The following TMTC1 variants were observed in gnomAD, a reference collection of about 807,000 sequenced individuals.
The protein encoded by TMTC1 is transmembrane O-mannosyltransferase targeting cadherins 1.
A neutral mutation model predicts 104.8 loss-of-function variants in TMTC1; 73 were observed. The ratio of observed to expected loss-of-function variants is 0.70; its 90% CI spans 0.58 to 0.85. The LOEUF (loss-of-function observed/expected upper bound fraction) is 0.85. TMTC1 is among the 40% of genes least tolerant of loss of function. TMTC1 has a pLI of 0.00. For synonymous variants in TMTC1, 434 were observed against 428.7 expected, an observed-to-expected ratio of 1.01 and a Z score of -0.15; for missense variants, 1,035 against 1,096.1, an observed-to-expected ratio of 0.94 and a Z score of 0.79.
intron 7 of TMTC1, 53 bp from the exon 8 acceptor site, chr12:29,583,627 C>G (rs1444038608): frequency 2.8e-5 from 42 of 1,516,166 alleles, no homozygotes; most frequent in Non-Finnish European, 2.9e-5. Flanking sequence ...AATAGCTTCC[C>G]CCCAGAATTA....
At chr12:29,514,910 G>A (rs914445826) in intron 15 of TMTC1, among the ~76,000 whole-genome samples, 1 of 152,010 alleles carries the variant, frequency 6.6e-6, no homozygotes. Context: ...GCTACTGGGG[G>A]GGCTGAGATG....
chr12:29,518,165 C>T (rs1944044621), intron 13 of TMTC1, among the ~76,000 whole-genome samples: 1 of 152,102 alleles, frequency 6.6e-6, no homozygotes, highest in Admixed American at 6.6e-5. Context: ...TTCATGTATC[C>T]TCATTTTTTA....
In TMTC1 at chr12:29,639,131, T is replaced by TA. The variant is rs1307043568; in HGVS notation, c.939-5796dup. ...GTACGCCTTCCTAGGTGCTAAAGGG[T>TA]AGTATGATCTAGCCTCTGCCTTCCA... On this transcript the variant is annotated intron_variant, in intron 5 of 17. Transcript: ENST00000539277. 5.9e-5 allele frequency among the ~76,000 whole-genome samples: 9 copies of TA among 152,314 alleles called. No homozygotes were observed. In the East Asian group the frequency reaches 1.5e-3, roughly 26 times the overall value.
chr12:29,604,949 T>C (rs1946659151), intron 6 of TMTC1, among the ~76,000 whole-genome samples: 1 of 152,168 alleles, frequency 6.6e-6, no homozygotes, highest in Non-Finnish European at 1.5e-5. Flanking sequence ...CCTCCTCTGT[T>C]ATTATATATC....
chr12:29,675,630 A>ACACACACC lies in TMTC1; in HGVS notation c.939-42295_939-42294insGGTGTGTG, dbSNP rs1555185783. ...CACACACACACACACACACACACAC[A>ACACACACC]CCCTCCATGACTTTCTGTTTCTTGT... On this transcript the variant is annotated intron_variant, in intron 5 of 17. Coordinates refer to ENST00000539277, the MANE Select transcript of TMTC1 (RefSeq NM_001193451.2). Among the ~76,000 whole-genome samples, 329 of 94,948 alleles carry ACACACACC rather than the reference A, an allele frequency of 3.5e-3. 1 individual carries two copies. Among genetic ancestry groups the ACACACACC allele is most frequent in the East Asian group, 0.031 (111 of 3,580 alleles). 62.3% of individuals were successfully genotyped at this position (94,948 alleles called of 152,430 possible).
chr12:29,624,492 T>C (rs1383662363), intron 6 of TMTC1, among the ~76,000 whole-genome samples: 1 of 152,210 alleles, frequency 6.6e-6, no homozygotes, highest in African/African-American at 2.4e-5. Context: ...ATCACACTGA[T>C]GTCAACTCAT....
At chr12:29,538,572 ATGGTTTTCTTTTG>A (rs1041303018) in intron 10 of TMTC1, among the ~76,000 whole-genome samples, 1 of 152,164 alleles carries the variant, frequency 6.6e-6, no homozygotes, top group Non-Finnish European at 1.5e-5. Context: ...CAATGACTTA[ATGGTTTTCTTTTG>A]TCGTGGCTCA....
At chr12:29,636,826 C>T (rs1450171242) in intron 5 of TMTC1, among the ~76,000 whole-genome samples, 1 of 151,056 alleles carries the variant, frequency 6.6e-6, no homozygotes, top group East Asian at 2.0e-4. Context: ...GAGAGGACTG[C>T]TTGAGCCCCA....
At chr12:29,673,744 C>CTTTTTTTTTTTTTTTTTTTTTTT (rs146463669) in intron 5 of TMTC1, among the ~76,000 whole-genome samples, 4 of 95,734 alleles carry the variant, frequency 4.2e-5, no homozygotes, top group Non-Finnish European at 7.6e-5. Context: ...AGAGGGACTT[C>CTTTTTTTTTTTTTTTTTTTTTTT]TTTTTTTTTT....
At chr12:29,652,967 CAGG>C (rs1228168828) in intron 5 of TMTC1, among the ~76,000 whole-genome samples, 3 of 152,056 alleles carry the variant, frequency 2.0e-5, no homozygotes, top group Admixed American at 6.6e-5. Flanking sequence ...GAGGCTGAGA[CAGG>C]AGAATTGCTT....
chr12:29,755,209 C>T (rs1943185898), intron 4 of TMTC1, among the ~76,000 whole-genome samples: 1 of 152,172 alleles, frequency 6.6e-6, no homozygotes, highest in African/African-American at 2.4e-5. Context: ...CGTGTACGTA[C>T]TCCTGTATGG....
chr12:29,707,349 A>G (rs190579630), intron 5 of TMTC1, among the ~76,000 whole-genome samples: 2 of 152,258 alleles, frequency 1.3e-5, no homozygotes, highest in Admixed American at 6.5e-5. Flanking sequence ...TATAAAATTT[A>G]TTGCAGAATC....
At chr12:29,605,488 A>G (rs1455664550) in intron 6 of TMTC1, among the ~76,000 whole-genome samples, 2 of 151,508 alleles carry the variant, frequency 1.3e-5, no homozygotes, top group Non-Finnish European at 2.9e-5. Flanking sequence ...TTTGACCTAA[A>G]GGAACCAGAA....
chr12:29,643,700 T>TAAA (rs376453734), intron 5 of TMTC1, among the ~76,000 whole-genome samples: 3 of 1,324 alleles, frequency 2.3e-3, no homozygotes, highest in African/African-American at 4.7e-3. Flanking sequence ...ATTATATATA[T>TAAA]TATATATTAT....
chr12:29,545,171 T>C (rs1464334963), intron 10 of TMTC1, among the ~76,000 whole-genome samples: 1 of 151,842 alleles, frequency 6.6e-6, no homozygotes, highest in Non-Finnish European at 1.5e-5. Context: ...AGAGGCAGGA[T>C]GCTATTACAA....
At chr12:29,577,532 G>A (rs1278649681) in intron 8 of TMTC1, among the ~76,000 whole-genome samples, 9 of 152,080 alleles carry the variant, frequency 5.9e-5, no homozygotes, top group Non-Finnish European at 8.8e-5. Context: ...CAGAATCCTC[G>A]CACAACACAG....
At chr12:29,630,865 T>C (rs557688037) in intron 6 of TMTC1, among the ~76,000 whole-genome samples, 3 of 152,352 alleles carry the variant, frequency 2.0e-5, no homozygotes, top group Admixed American at 2.0e-4. Context: ...AATCATTTTT[T>C]ATTCCCATCA....
At chr12:29,671,596 G>C (rs983856603) in intron 5 of TMTC1, among the ~76,000 whole-genome samples, 1 of 152,196 alleles carries the variant, frequency 6.6e-6, no homozygotes, top group Non-Finnish European at 1.5e-5. Context: ...AGGTGCTATT[G>C]CTATGCTCAT....
At chr12:29,669,195 G>A (rs1382954221) in intron 5 of TMTC1, among the ~76,000 whole-genome samples, 1 of 152,188 alleles carries the variant, frequency 6.6e-6, no homozygotes, top group Non-Finnish European at 1.5e-5. Context: ...ATATACAGAG[G>A]CCTAAGATTG....
Sources: allele counts gnomAD v4.1 joint callset (sites outside exome capture counted in the v4.1 genomes callset), GRCh38; gene constraint gnomAD v4.1.1; transcripts MANE v1.5; gene names NCBI Gene and HGNC (gene_info 2026-07-23, HGNC 2026-07-21).